LPP: variants seen among roughly 807,000 people sequenced by gnomAD.
The protein encoded by LPP is lipoma-preferred partner.
Under a neutral mutation model 60.4 loss-of-function variants are expected in LPP, and 38 were observed. That is an observed-to-expected ratio of 0.63 (90% CI 0.49 to 0.83). The LOEUF is 0.83. Among genes scored for constraint, LPP ranks in the 40% least tolerant of loss-of-function variants. The probability of loss-of-function intolerance (pLI) is 0.00; values close to 1 mark genes in which losing one functional copy is unlikely to be tolerated. For missense variants in LPP, 902 were observed against 783.6 expected (o/e 1.15, Z -1.80); for synonymous variants, 328 against 290.8 (o/e 1.13, Z -1.30).
chr3:188,598,844 C>A (rs1840498608), intron 6 of LPP, among the ~76,000 whole-genome samples: 1 of 152,102 alleles, frequency 6.6e-6, no homozygotes, highest in African/African-American at 2.4e-5. Flanking sequence ...TGCTACCAGT[C>A]ATATAAAAAC....
At chr3:188,614,568 G>C (rs1348357599) in intron 7 of LPP, among the ~76,000 whole-genome samples, 2 of 152,170 alleles carry the variant, frequency 1.3e-5, no homozygotes, top group Non-Finnish European at 2.9e-5. Context: ...TTAAGCCCAA[G>C]TAGAGGTCTT....
At chr3:188,160,273 C>T (rs1170068445) in intron 1 of LPP, among the ~76,000 whole-genome samples, 1 of 152,024 alleles carries the variant, frequency 6.6e-6, no homozygotes, top group African/African-American at 2.4e-5. Flanking sequence ...CGGCTCACTG[C>T]AACCTCCGCC....
intron 2 of LPP, among the ~76,000 whole-genome samples, chr3:188,335,340 G>T (rs779019245): frequency 6.6e-6 from 1 of 152,028 alleles, no homozygotes; most frequent in Non-Finnish European, 1.5e-5. Flanking sequence ...CACGTTTATT[G>T]GTTTACCTGT....
chr3:188,346,251 C>CTTTTTTTTTTTTTTTTTTTTTTTTT (rs1050679907), intron 3 of LPP, among the ~76,000 whole-genome samples: 8 of 88,340 alleles, frequency 9.1e-5, no homozygotes, highest in African/African-American at 3.7e-4. Context: ...AGTAGCAAAT[C>CTTTTTTTTTTTTTTTTTTTTTTTTT]TTTTTTTTTT....
chr3:188,843,509 T>G (rs904614615), intron 9 of LPP, among the ~76,000 whole-genome samples: 3 of 152,218 alleles, frequency 2.0e-5, no homozygotes, highest in African/African-American at 7.2e-5. Flanking sequence ...TCCTCTGGGC[T>G]GGGCGCGGTG....
At position 188,656,664 on chromosome 3, in the gene LPP, C is replaced by G. The variant is rs374800796; in HGVS notation, c.1113+46820C>G. On this transcript the variant is annotated intron_variant, in intron 7 of 11. Coordinates refer to ENST00000617246, the MANE Select transcript of LPP (RefSeq NM_001375462.1). ...TTAAATCTGGAGGGATTTGGGAGTT[C>G]TTGCTCTTAACATGACTTTCCCACT... 9.8e-5 allele frequency among the ~76,000 whole-genome samples: 15 copies of G among 152,304 alleles called. No individual in the cohort carries two copies. In the East Asian group the frequency reaches 2.7e-3, roughly 27 times the overall value.
chr3:188,443,771 G>A (rs1794600329), intron 4 of LPP, among the ~76,000 whole-genome samples: 1 of 152,124 alleles, frequency 6.6e-6, no homozygotes, highest in Non-Finnish European at 1.5e-5. Context: ...GAAAGAATTG[G>A]GTTGCCATCA....
chr3:188,187,427 T>C (rs1443690037), intron 1 of LPP, among the ~76,000 whole-genome samples: 2 of 152,052 alleles, frequency 1.3e-5, no homozygotes, highest in East Asian at 3.8e-4. Context: ...CTACATTTTG[T>C]TTATTTTATT....
At chr3:188,258,297 T>G (rs1732344686) in intron 2 of LPP, among the ~76,000 whole-genome samples, 1 of 152,238 alleles carries the variant, frequency 6.6e-6, no homozygotes, top group South Asian at 2.1e-4. Flanking sequence ...CAACACTGGC[T>G]GCGCATTAAA....
At chr3:188,221,273 T>G (rs1715672747) in intron 1 of LPP, among the ~76,000 whole-genome samples, 1 of 152,244 alleles carries the variant, frequency 6.6e-6, no homozygotes, top group Non-Finnish European at 1.5e-5. Flanking sequence ...AGGCATCGTT[T>G]AGAAGTCACA....
intron 4 of LPP, among the ~76,000 whole-genome samples, chr3:188,439,518 C>T (rs191699066): frequency 6.6e-6 from 1 of 152,300 alleles, no homozygotes; most frequent in African/African-American, 2.4e-5. Context: ...AGAAATCCCA[C>T]TTGCTGTCTA....
intron 4 of LPP, among the ~76,000 whole-genome samples, chr3:188,433,606 GAGAGAGAGAGAGAGAGAGAGAGGAGAAA>G (rs375362252): frequency 0.022 from 2,274 of 102,218 alleles, 47 homozygotes; most frequent in African/African-American, 0.084. Flanking sequence ...AAGTGAGAGA[GAGAGAGAGAGAGAGAGAGAGAGGAGAAA>G]GGAGAGAGAG....
At chr3:188,374,499 GCT>G (rs1039714894) in intron 3 of LPP, among the ~76,000 whole-genome samples, 2 of 151,952 alleles carry the variant, frequency 1.3e-5, no homozygotes, top group African/African-American at 4.8e-5. Flanking sequence ...TCATGATTTG[GCT>G]CTCTGTTTGT....
intron 8 of LPP, among the ~76,000 whole-genome samples, chr3:188,740,232 A>G (rs564616702): frequency 1.8e-4 from 27 of 152,164 alleles, no homozygotes; most frequent in Middle Eastern, 3.4e-3. Flanking sequence ...AATAGGGACC[A>G]TGTTGCCTAA....
At chr3:188,477,118 C>T (rs1402263251) in intron 4 of LPP, among the ~76,000 whole-genome samples, 1 of 152,282 alleles carries the variant, frequency 6.6e-6, no homozygotes, top group Non-Finnish European at 1.5e-5. Context: ...AATTTGTATC[C>T]GGTATCTTCC....
intron 2 of LPP, among the ~76,000 whole-genome samples, chr3:188,324,736 G>A (rs183700777): frequency 6.6e-6 from 1 of 152,246 alleles, no homozygotes; most frequent in East Asian, 1.9e-4. Flanking sequence ...CATCTGGAGA[G>A]ATCTAAAATT....
intron 7 of LPP, among the ~76,000 whole-genome samples, chr3:188,701,718 T>G (rs62290050): frequency 3.3e-5 from 5 of 151,662 alleles, no homozygotes; most frequent in Admixed American, 1.3e-4. Context: ...TATTAGCCAC[T>G]AAATTGCTCA....
At chr3:188,351,879 G>A (rs1458528729) in intron 3 of LPP, among the ~76,000 whole-genome samples, 2 of 152,178 alleles carry the variant, frequency 1.3e-5, no homozygotes, top group African/African-American at 4.8e-5. Flanking sequence ...TGTACCAGAA[G>A]ACTGAGCTCT....
In LPP at chr3:188,317,715, G is replaced by A. The variant is rs146693326; in HGVS notation, c.-66-23948G>A. The stretch of plus-strand genomic sequence containing the variant: ...AGACTGTTGTATTGGGCAGGGTCAG[G>A]GCAGATAAAGGACCAAAATAATGCC... On this transcript the variant is annotated intron_variant, in intron 2 of 11. Coordinates refer to ENST00000617246, the MANE Select transcript of LPP (RefSeq NM_001375462.1). Among the ~76,000 whole-genome samples, 716 of 152,170 alleles carry A rather than the reference G, an allele frequency of 4.7e-3. 3 individuals are homozygous for A. The highest frequency in any genetic ancestry group is 7.8e-3 in the Non-Finnish European group (531 of 68,000).
Sources: allele counts gnomAD v4.1 joint callset (sites outside exome capture counted in the v4.1 genomes callset), GRCh38; gene constraint gnomAD v4.1.1; transcripts MANE v1.5; gene names NCBI Gene and HGNC (gene_info 2026-07-23, HGNC 2026-07-21).